ETV6: variants seen among roughly 807,000 people sequenced by gnomAD.
ETV6 encodes transcription factor ETV6.
Under a neutral mutation model 51.1 loss-of-function variants are expected in ETV6, and 16 were observed. The observed-to-expected ratio is 0.31, with a 90% CI of 0.21 to 0.48. The LOEUF (loss-of-function observed/expected upper bound fraction) is 0.48. ETV6 is among the 20% of genes least tolerant of loss of function. The pLI is 0.99. For synonymous variants in ETV6, 240 were observed against 224.1 expected, an observed-to-expected ratio of 1.07 and a Z score of -0.64; for missense variants, 458 against 594.8, an observed-to-expected ratio of 0.77 and a Z score of 2.39.
intron 2 of ETV6, among the ~76,000 whole-genome samples, chr12:11,780,442 G>A (rs957363171): frequency 9.2e-5 from 14 of 151,952 alleles, no homozygotes; most frequent in African/African-American, 3.4e-4. Context: ...AAAAAGCTCT[G>A]AACAACTTAA....
At chr12:11,843,679 A>G (rs1284036223) in intron 3 of ETV6, among the ~76,000 whole-genome samples, 1 of 152,226 alleles carries the variant, frequency 6.6e-6, no homozygotes, top group Non-Finnish European at 1.5e-5. Context: ...GAATACGATT[A>G]TACCTTAAGT....
At chr12:11,727,259 A>G (rs1167146080) in intron 1 of ETV6, among the ~76,000 whole-genome samples, 1 of 152,260 alleles carries the variant, frequency 6.6e-6, no homozygotes, top group Non-Finnish European at 1.5e-5. Flanking sequence ...AGCACAGTAC[A>G]GGAGAAACCT....
Position 11,708,446 on chromosome 12 carries a change from T to G in ETV6, c.34-44004T>G, listed in dbSNP as rs59692713. Among the ~76,000 whole-genome samples the G allele has an allele frequency of 8.6e-3, 1,304 of 152,294 alleles. 19 individuals are homozygous for G. Among genetic ancestry groups the G allele is most frequent in the African/African-American group, 0.028 (1,182 of 41,548 alleles). On this transcript the variant is annotated intron_variant, in intron 1 of 7. Transcript: ENST00000396373. ...ATAATGGTGCTGTAACTGCGTTTTC[T>G]TAAGGAAACTTGGAGCTGAGGTGCC...
chr12:11,884,265 C>G (rs1947153176), intron 5 of ETV6, among the ~76,000 whole-genome samples, 180 bp from the exon 6 acceptor site: 1 of 152,232 alleles, frequency 6.6e-6, no homozygotes, highest in African/African-American at 2.4e-5. Flanking sequence ...GGTCACACAA[C>G]AGGACCTCCC....
At position 11,853,330 on chromosome 12, in the gene ETV6, C is replaced by A. The variant is rs866974786; in HGVS notation, c.329-97C>A. On this transcript the variant is annotated intron_variant, in intron 3 of 7. Transcript: ENST00000396373. ...GGTGGCAGGTGCGCTCCAATTGTATCTTTGGCACCGTGCCAGGCACTTAGC... is the reference window on the plus strand; with the variant it reads ...GGTGGCAGGTGCGCTCCAATTGTATATTTGGCACCGTGCCAGGCACTTAGC... 8.2e-6 allele frequency: 12 copies of A among 1,458,626 alleles called. No homozygotes were observed. In the Middle Eastern group the frequency reaches 9.1e-4, roughly 111 times the overall value. 90.4% of individuals were successfully genotyped at this position (1,458,626 alleles called of 1,614,324 possible).
At chr12:11,874,811 A>C (rs17818396) in intron 5 of ETV6, among the ~76,000 whole-genome samples, 11,324 of 149,100 alleles carry the variant, frequency 0.076, 584 homozygotes, top group East Asian at 0.21. Flanking sequence ...AGATACATGC[A>C]GAATTGTTCT....
chr12:11,798,614 TAAAG>T (rs1945708945), intron 2 of ETV6, among the ~76,000 whole-genome samples: 1 of 152,054 alleles, frequency 6.6e-6, no homozygotes, highest in Non-Finnish European at 1.5e-5. Context: ...GGCACATATA[TAAAG>T]AAACAGCAGA....
intron 1 of ETV6, among the ~76,000 whole-genome samples, chr12:11,739,337 G>A (rs959324610): frequency 9.2e-5 from 14 of 152,196 alleles, no homozygotes; most frequent in African/African-American, 3.4e-4. Context: ...ATGGGGAATA[G>A]TGCGTGGCCC....
chr12:11,708,885 C>T (rs1003376119), intron 1 of ETV6, among the ~76,000 whole-genome samples: 9 of 152,178 alleles, frequency 5.9e-5, no homozygotes, highest in Non-Finnish European at 1.2e-4. Flanking sequence ...AAGAAACTGT[C>T]CCAGAATTTT....
chr12:11,839,383 G>A (rs963978297), intron 3 of ETV6, 79 bp downstream of exon 3: 57 of 1,399,596 alleles, frequency 4.1e-5, no homozygotes, highest in Admixed American at 1.1e-4. Flanking sequence ...CCCCTCACCC[G>A]GCCCAAGAAA....
chr12:11,678,336 G>C (rs1215959848), intron 1 of ETV6, among the ~76,000 whole-genome samples: 1 of 152,128 alleles, frequency 6.6e-6, no homozygotes, highest in Non-Finnish European at 1.5e-5. Flanking sequence ...TCAGGAAGGA[G>C]GTCTGTATGT....
At chr12:11,876,124 TAAC>T (rs1364259219) in intron 5 of ETV6, among the ~76,000 whole-genome samples, 3 of 152,126 alleles carry the variant, frequency 2.0e-5, no homozygotes, top group Non-Finnish European at 4.4e-5. Context: ...AAAGGAACAA[TAAC>T]AAGTTATGTA....
At chr12:11,857,724 A>G (rs1946652253) in intron 4 of ETV6, among the ~76,000 whole-genome samples, 1 of 152,208 alleles carries the variant, frequency 6.6e-6, no homozygotes, top group South Asian at 2.1e-4. Flanking sequence ...ATTTTAAAGG[A>G]TGAGATCTGG....
At chr12:11,845,999 A>G (rs1293212034) in intron 3 of ETV6, among the ~76,000 whole-genome samples, 1 of 151,854 alleles carries the variant, frequency 6.6e-6, no homozygotes, top group Non-Finnish European at 1.5e-5. Flanking sequence ...CTCAAAAAAA[A>G]AAAAAAGAAA....
At chr12:11,774,388 A>G (rs1945288779) in intron 2 of ETV6, among the ~76,000 whole-genome samples, 3 of 152,214 alleles carry the variant, frequency 2.0e-5, no homozygotes, top group South Asian at 2.1e-4. Flanking sequence ...GGGCTTGTGC[A>G]GAGAGAAGAA....
chr12:11,677,185 C>T (rs1056469598), intron 1 of ETV6, among the ~76,000 whole-genome samples: 1 of 152,146 alleles, frequency 6.6e-6, no homozygotes, highest in Non-Finnish European at 1.5e-5. Context: ...ACAGGAAAAA[C>T]GATCACAGAT....
At chr12:11,755,250 C>G (rs577616014) in intron 2 of ETV6, among the ~76,000 whole-genome samples, 1 of 152,332 alleles carries the variant, frequency 6.6e-6, no homozygotes, top group Non-Finnish European at 1.5e-5. Flanking sequence ...GGATGGGTCC[C>G]CACGTAGACA....
chr12:11,739,544 A>G lies in ETV6; in HGVS notation c.34-12906A>G, dbSNP rs118046594. On this transcript the variant is annotated intron_variant, in intron 1 of 7. Coordinates refer to ENST00000396373, the MANE Select transcript of ETV6 (RefSeq NM_001987.5). The stretch of plus-strand genomic sequence containing the variant: ...TTGGATATGTGAATTTACCTTTTCA[A>G]CTGTGAATTTTATGAACTCTAAATA... 9.3e-4 allele frequency among the ~76,000 whole-genome samples: 142 copies of G among 152,350 alleles called. 4 individuals carry two copies. In the East Asian group the frequency reaches 0.019, roughly 21 times the overall value.
At chr12:11,672,563 TGGGGTGAGA>T (rs1864340509) in intron 1 of ETV6, among the ~76,000 whole-genome samples, 1 of 152,218 alleles carries the variant, frequency 6.6e-6, no homozygotes, top group Non-Finnish European at 1.5e-5. Flanking sequence ...CCTCCGTTAA[TGGGGTGAGA>T]CAAAGCTTGC....
Sources: allele counts gnomAD v4.1 joint callset (sites outside exome capture counted in the v4.1 genomes callset), GRCh38; gene constraint gnomAD v4.1.1; transcripts MANE v1.5; gene names NCBI Gene and HGNC (gene_info 2026-07-23, HGNC 2026-07-21).